The following ITPR2 variants were observed in gnomAD, a reference collection of about 807,000 sequenced individuals.
ITPR2 encodes the protein inositol 1,4,5-trisphosphate receptor type 2, also known as inositol 1,4,5-trisphosphate-gated calcium channel ITPR2.
Under a neutral mutation model 317.1 loss-of-function variants are expected in ITPR2, and 207 were observed. That is an observed-to-expected ratio of 0.65 (90% confidence interval 0.58 to 0.73). The LOEUF is 0.73. Ranked by LOEUF, ITPR2 falls within the 30% of genes least tolerant of loss-of-function variation. ITPR2 has a pLI of 0.00. For synonymous variants in ITPR2, 1,156 were observed against 1,149.1 expected, an observed-to-expected ratio of 1.01 and a Z score of -0.12; for missense variants, 2,613 against 3,284.0, an observed-to-expected ratio of 0.80 and a Z score of 4.99.
At chr12:26,367,140 C>T (rs1277545294) in intron 55 of ITPR2, among the ~76,000 whole-genome samples, 1 of 152,126 alleles carries the variant, frequency 6.6e-6, no homozygotes, top group Non-Finnish European at 1.5e-5. Context: ...ACTTTTATCT[C>T]TGAAGGGCCT....
intron 5 of ITPR2, chr12:26,721,229 A>G: frequency 2.1e-6 from 1 of 465,740 alleles, no homozygotes; most frequent in Non-Finnish European, 3.9e-6. Flanking sequence ...AAATCCAACC[A>G]ACACAAGACT....
rs571580214 is a variant in ITPR2, at chr12:26,641,822, C to T, written c.2741-9763G>A. Among the ~76,000 whole-genome samples the T allele has an allele frequency of 3.8e-4, 57 of 151,884 alleles. 1 individual carries two copies. In the South Asian group the frequency reaches 0.011, roughly 29 times the overall value. Reference sequence around the variant, plus strand: ...GCATGTGTTTGACACCCTCTTGACACAGAGAAAAGCTGGGAGGTGGAATGA... The same window carrying T: ...GCATGTGTTTGACACCCTCTTGACATAGAGAAAAGCTGGGAGGTGGAATGA... On this transcript the variant is annotated intron_variant, in intron 21 of 56. Coordinates refer to ENST00000381340, the MANE Select transcript of ITPR2 (RefSeq NM_002223.4).
chr12:26,607,942 G>A (rs1047043979), intron 26 of ITPR2, among the ~76,000 whole-genome samples: 5 of 151,830 alleles, frequency 3.3e-5, no homozygotes, highest in African/African-American at 1.2e-4. Context: ...AAATTAGCCG[G>A]GCGTTTCTAC....
chr12:26,594,027 G>A (rs1351519073), intron 32 of ITPR2, among the ~76,000 whole-genome samples: 1 of 152,116 alleles, frequency 6.6e-6, no homozygotes, highest in Non-Finnish European at 1.5e-5. Context: ...CTTAGTCATT[G>A]GCATGGAAGT....
At chr12:26,804,386 G>T (rs563626476) in intron 1 of ITPR2, among the ~76,000 whole-genome samples, 2 of 152,278 alleles carry the variant, frequency 1.3e-5, no homozygotes, top group East Asian at 3.9e-4. Flanking sequence ...TGGCTAGAAT[G>T]ACAGATATAC....
In ITPR2 at chr12:26,514,126, A is replaced by G. The variant is rs73085298; in HGVS notation, c.5074-18866T>C. 1.7e-3 allele frequency among the ~76,000 whole-genome samples: 265 copies of G among 152,342 alleles called. 1 individual carries two copies. The highest frequency in any genetic ancestry group is 0.01 in the Middle Eastern group (3 of 294). ...TTTTTAATATTTTATCAGCTATGGA[A>G]GAAGAGTGAGCTAAATTCCTTAACG... is the stretch of plus-strand genomic sequence containing the variant. On this transcript the variant is annotated intron_variant, in intron 37 of 56. Coordinates refer to ENST00000381340, the MANE Select transcript of ITPR2 (RefSeq NM_002223.4).
intron 55 of ITPR2, among the ~76,000 whole-genome samples, chr12:26,376,956 T>C (rs1327673657): frequency 1.3e-5 from 2 of 152,192 alleles, no homozygotes; most frequent in Non-Finnish European, 2.9e-5. Flanking sequence ...CTCCAACTCC[T>C]GACCTCAGGT....
chr12:26,600,430 G>C (rs1489217741), intron 28 of ITPR2, among the ~76,000 whole-genome samples: 1 of 151,576 alleles, frequency 6.6e-6, no homozygotes, highest in African/African-American at 2.4e-5. Context: ...TCTGTACATA[G>C]CCACCTTTTC....
chr12:26,483,932 C>T, intron 41 of ITPR2, 34 bp from the exon 42 acceptor site: 2 of 1,551,858 alleles, frequency 1.3e-6, no homozygotes, highest in Non-Finnish European at 1.8e-6. Flanking sequence ...TGAAGGGTTA[C>T]AAAAATTCAC....
intron 1 of ITPR2, among the ~76,000 whole-genome samples, chr12:26,805,752 A>G (rs1950629804): frequency 1.3e-5 from 1 of 78,226 alleles, no homozygotes; most frequent in Non-Finnish European, 3.0e-5. Context: ...CGTGTTCACT[A>G]TGTTCCAAGA....
At chr12:26,342,376 A>AT (rs1938146105) in intron 55 of ITPR2, among the ~76,000 whole-genome samples, 2 of 151,828 alleles carry the variant, frequency 1.3e-5, no homozygotes, top group Admixed American at 1.3e-4. Context: ...GAATTTTACA[A>AT]ATGAAGAAAG....
chr12:26,404,434 G>T (rs1368485579), intron 52 of ITPR2, among the ~76,000 whole-genome samples: 2 of 152,112 alleles, frequency 1.3e-5, no homozygotes, highest in Admixed American at 1.3e-4. Flanking sequence ...GAGTTCAGAG[G>T]ATACTGTGAT....
At chr12:26,427,668 A>G (rs1331916779) in intron 49 of ITPR2, among the ~76,000 whole-genome samples, 2 of 152,172 alleles carry the variant, frequency 1.3e-5, no homozygotes, top group Non-Finnish European at 2.9e-5. Flanking sequence ...ATTGGATTAA[A>G]TTGATGGCAG....
intron 9 of ITPR2, 103 bp downstream of exon 9, chr12:26,711,070 G>A (rs2137022066): frequency 1.4e-6 from 1 of 706,690 alleles, no homozygotes; most frequent in Non-Finnish European, 2.5e-6. Flanking sequence ...TCAAATTTGT[G>A]TAATGACTGT....
intron 2 of ITPR2, among the ~76,000 whole-genome samples, chr12:26,728,375 G>A (rs574059310): frequency 2.0e-5 from 3 of 152,312 alleles, no homozygotes; most frequent in East Asian, 3.9e-4. Context: ...TCTATCTGAA[G>A]TACAAAGTCT....
At chr12:26,372,884 C>T (rs763242865) in intron 55 of ITPR2, among the ~76,000 whole-genome samples, 11 of 152,160 alleles carry the variant, frequency 7.2e-5, no homozygotes, top group Non-Finnish European at 8.8e-5. Flanking sequence ...AAATTCCTCG[C>T]GCCTCCCACT....
At position 26,599,436 on chromosome 12, in the gene ITPR2, T is replaced by C. The variant is rs1591947124; in HGVS notation, c.3802-91A>G. 1.1e-5 allele frequency: 12 copies of C among 1,112,408 alleles called. No individual in the cohort carries two copies. In the East Asian group the frequency reaches 2.9e-4, roughly 26 times the overall value. 68.9% of individuals were successfully genotyped at this position (1,112,408 alleles called of 1,614,324 possible). On this transcript the variant is annotated intron_variant, in intron 29 of 56. Transcript: ENST00000381340. Reference sequence around the variant, plus strand: ...ACTAATTGCCCTGCTTGTGATCAGTTTTATATTTTATACGAAGCCACAGTG... The same window carrying C: ...ACTAATTGCCCTGCTTGTGATCAGTCTTATATTTTATACGAAGCCACAGTG...
intron 2 of ITPR2, among the ~76,000 whole-genome samples, chr12:26,737,286 C>G (rs12811020): frequency 0.21 from 31,747 of 150,774 alleles, 3,469 homozygotes; most frequent in Non-Finnish European, 0.24. Flanking sequence ...TAATACGGAG[C>G]CTCGCTCTGT....
intron 26 of ITPR2, among the ~76,000 whole-genome samples, chr12:26,620,760 A>G (rs555415371): frequency 6.6e-6 from 1 of 152,262 alleles, no homozygotes; most frequent in East Asian, 1.9e-4. Flanking sequence ...TGGCAAAAAA[A>G]TGGCCACAGC....
Sources: allele counts gnomAD v4.1 joint callset (sites outside exome capture counted in the v4.1 genomes callset), GRCh38; gene constraint gnomAD v4.1.1; transcripts MANE v1.5; gene names NCBI Gene and HGNC (gene_info 2026-07-23, HGNC 2026-07-21).